Variants in PDE11A observed in about 807,000 individuals in gnomAD.
The protein encoded by PDE11A is phosphodiesterase 11A, also known as dual 3',5'-cyclic-AMP and -GMP phosphodiesterase 11A.
In PDE11A, 100 loss-of-function variants were observed where a neutral mutation model predicts 100.5. That is an observed-to-expected ratio of 1.00 (90% CI 0.85 to 1.18). PDE11A has a LOEUF of 1.18. PDE11A is among the 50% of genes most tolerant of loss of function. PDE11A has a pLI of 0.00. For missense variants in PDE11A, 1,141 were observed against 1,152.6 expected, an observed-to-expected ratio of 0.99 and a Z score of 0.15; for synonymous variants, 381 against 420.8, an observed-to-expected ratio of 0.91 and a Z score of 1.16.
intron 1 of PDE11A, among the ~76,000 whole-genome samples, chr2:178,064,847 T>G (rs1333990109): frequency 6.6e-6 from 1 of 152,008 alleles, no homozygotes; most frequent in Non-Finnish European, 1.5e-5. Context: ...GTTTCCCCTT[T>G]TTTTTTCTTC....
chr2:177,686,471 G>A (rs1346267255), intron 15 of PDE11A, among the ~76,000 whole-genome samples: 1 of 152,138 alleles, frequency 6.6e-6, no homozygotes, highest in Non-Finnish European at 1.5e-5. Flanking sequence ...GGAGGCTGAG[G>A]TGGGAGGATA....
chr2:177,678,948 C>T (rs568440890), intron 16 of PDE11A, among the ~76,000 whole-genome samples: 27 of 151,182 alleles, frequency 1.8e-4, no homozygotes, highest in African/African-American at 4.9e-4. Flanking sequence ...ATAAAAAATA[C>T]ATCCTTGGGG....
intron 10 of PDE11A, among the ~76,000 whole-genome samples, chr2:177,737,087 A>C (rs1177767869): frequency 1.3e-5 from 2 of 151,608 alleles, no homozygotes. Flanking sequence ...TAAAAATACA[A>C]AAATTAGCTG....
intron 1 of PDE11A, among the ~76,000 whole-genome samples, chr2:178,069,921 C>T (rs1274645266): frequency 1.3e-5 from 2 of 152,014 alleles, no homozygotes; most frequent in Admixed American, 6.6e-5. Flanking sequence ...AGAGAAAAGG[C>T]TGCAACCCTA....
At chr2:178,011,634 T>C (rs2086275167) in intron 2 of PDE11A, among the ~76,000 whole-genome samples, 2 of 152,198 alleles carry the variant, frequency 1.3e-5, no homozygotes, top group Admixed American at 1.3e-4. Context: ...ATTTTTAAAC[T>C]GAGGCCTGAC....
intron 9 of PDE11A, among the ~76,000 whole-genome samples, chr2:177,812,451 G>A (rs982182632): frequency 2.0e-5 from 3 of 152,116 alleles, no homozygotes; most frequent in Non-Finnish European, 4.4e-5. Context: ...CATTAAAAGT[G>A]TACTTAAAGC....
intron 1 of PDE11A, chr2:178,105,875 A>G (rs1452832735): frequency 3.2e-6 from 1 of 316,734 alleles, no homozygotes; most frequent in Non-Finnish European, 5.7e-6. Flanking sequence ...AAAAAAGTGT[A>G]CTTTAATATA....
rs151024758 is a variant in PDE11A at position 177,758,426 on chromosome 2, G to A, written c.1788+10897C>T. On this transcript the variant is annotated intron_variant, in intron 10 of 19. Coordinates refer to ENST00000286063, the MANE Select transcript of PDE11A (RefSeq NM_016953.4). ...TGTTCTGATATCTGGCTAAGGTGGT[G>A]TCTTTGTGAACGTTATGAATTGCTT... is the stretch of plus-strand genomic sequence containing the variant. Among the ~76,000 whole-genome samples the A allele has an allele frequency of 2.2e-3, 328 of 152,204 alleles. 1 individual carries two copies. The highest frequency in any genetic ancestry group is 7.5e-3 in the African/African-American group (313 of 41,516).
At chr2:178,041,105 A>T (rs2105849039) in intron 1 of PDE11A, among the ~76,000 whole-genome samples, 1 of 151,854 alleles carries the variant, frequency 6.6e-6, no homozygotes, top group Admixed American at 6.6e-5. Flanking sequence ...TGCCCAGCTA[A>T]TTTTTTTGAG....
chr2:178,021,463 A>G (rs2086410975), intron 1 of PDE11A, among the ~76,000 whole-genome samples: 1 of 152,212 alleles, frequency 6.6e-6, no homozygotes, highest in South Asian at 2.1e-4. Flanking sequence ...TAATCTTCCA[A>G]TTAAAAACAA....
At chr2:178,011,911 T>C (rs986850223) in intron 2 of PDE11A, 31 of 152,224 alleles carry the variant, frequency 2.0e-4, no homozygotes, top group African/African-American at 7.2e-4. Flanking sequence ...ACTCACCATA[T>C]GGCCAGTACA....
intron 1 of PDE11A, among the ~76,000 whole-genome samples, chr2:178,035,243 A>C (rs954754396): frequency 6.6e-6 from 1 of 152,218 alleles, no homozygotes; most frequent in African/African-American, 2.4e-5. Flanking sequence ...AGAATACTAC[A>C]AACACTACTA....
intron 1 of PDE11A, among the ~76,000 whole-genome samples, chr2:178,047,243 C>T (rs188259641): frequency 1.5e-4 from 23 of 152,202 alleles, no homozygotes; most frequent in Non-Finnish European, 2.4e-4. Context: ...GGATGGATCA[C>T]TTGAGGTTAG....
chr2:177,731,171 C>T (rs1407504980), intron 10 of PDE11A, among the ~76,000 whole-genome samples: 1 of 152,048 alleles, frequency 6.6e-6, no homozygotes, highest in Non-Finnish European at 1.5e-5. Flanking sequence ...CATTTTTGTT[C>T]CATTCATCAA....
chr2:177,933,664 G>T (rs1231914882), intron 2 of PDE11A, among the ~76,000 whole-genome samples: 1 of 152,092 alleles, frequency 6.6e-6, no homozygotes, highest in Non-Finnish European at 1.5e-5. Flanking sequence ...CTGGGTGACA[G>T]AGTGAGACTC....
At chr2:177,984,443 A>G (rs1339821177) in intron 2 of PDE11A, among the ~76,000 whole-genome samples, 2 of 152,200 alleles carry the variant, frequency 1.3e-5, no homozygotes, top group African/African-American at 4.8e-5. Context: ...AACATAGGTT[A>G]TATCTGTGCC....
chr2:177,878,709 G>A (rs1386632607), intron 4 of PDE11A, among the ~76,000 whole-genome samples: 2 of 152,142 alleles, frequency 1.3e-5, no homozygotes, highest in Non-Finnish European at 2.9e-5. Flanking sequence ...GGAAATTGCA[G>A]AACCGAGATT....
At chr2:178,070,644 T>C (rs115479070) in intron 1 of PDE11A, among the ~76,000 whole-genome samples, 2,727 of 152,328 alleles carry the variant, frequency 0.018, 50 homozygotes, top group South Asian at 0.045. Context: ...AGATCCAGCA[T>C]CTAATATCAA....
intron 1 of PDE11A, among the ~76,000 whole-genome samples, chr2:178,027,839 A>T (rs1307041313): frequency 6.6e-6 from 1 of 152,218 alleles, no homozygotes; most frequent in African/African-American, 2.4e-5. Flanking sequence ...TCCACATTTA[A>T]TGTGAAATAT....
Sources: gnomAD v4.1 joint callset for allele counts (sites outside exome capture counted in the v4.1 genomes callset) on GRCh38, gnomAD v4.1.1 for gene constraint, MANE v1.5 for transcripts, NCBI Gene and HGNC (gene_info 2026-07-23, HGNC 2026-07-21) for gene names.